IGSF10: variants seen among roughly 807,000 people sequenced by gnomAD.
The protein encoded by IGSF10 is immunoglobulin superfamily member 10.
A neutral mutation model predicts 128.2 loss-of-function variants in IGSF10; 126 were observed. That is an observed-to-expected ratio of 0.98 (90% CI 0.85 to 1.14). IGSF10 has a LOEUF of 1.14. Ranked by LOEUF, IGSF10 falls within the 50% of genes most tolerant of loss-of-function variation. The probability of loss-of-function intolerance (pLI) is 0.00; values close to 1 mark genes in which losing one functional copy is unlikely to be tolerated. For synonymous variants in IGSF10, 1,185 were observed against 1,146.2 expected (o/e 1.03, Z -0.68); for missense variants, 3,295 against 3,149.8 (o/e 1.05, Z -1.10).
chr3:151,476,605 C>A, the IGSF10 span, among the ~76,000 whole-genome samples: 50 of 152,270 alleles, frequency 3.3e-4, 1 homozygote, highest in African/African-American at 1.2e-3. Context: ...AGTGGCCTTG[C>A]GCCTTGGGAC....
At chr3:151,514,789 C>A in the IGSF10 span, among the ~76,000 whole-genome samples, 1 of 151,928 alleles carries the variant, frequency 6.6e-6, no homozygotes, top group Non-Finnish European at 1.5e-5. Context: ...CAAACAACCC[C>A]ATCAAAAAGT....
the IGSF10 span, among the ~76,000 whole-genome samples, chr3:151,572,253 T>G: frequency 6.6e-6 from 1 of 152,168 alleles, no homozygotes; most frequent in African/African-American, 2.4e-5. Flanking sequence ...TTAGGGAGGA[T>G]TCTCTCTTTT....
the IGSF10 span, among the ~76,000 whole-genome samples, chr3:151,489,125 C>T: frequency 6.6e-6 from 1 of 152,012 alleles, no homozygotes; most frequent in Admixed American, 6.6e-5. Context: ...AACAAATTTA[C>T]AGGAAAGAAA....
At chr3:151,498,338 C>G in the IGSF10 span, among the ~76,000 whole-genome samples, 2 of 152,088 alleles carry the variant, frequency 1.3e-5, no homozygotes, top group African/African-American at 4.8e-5. Context: ...TTTTGAGATA[C>G]ATTCCATCAA....
At chr3:151,547,312 A>G in the IGSF10 span, among the ~76,000 whole-genome samples, 1 of 152,076 alleles carries the variant, frequency 6.6e-6, no homozygotes, top group Admixed American at 6.6e-5. Flanking sequence ...TTCACAGCTG[A>G]GCAATGCCAT....
chr3:151,464,552 T>C (rs1040038941), upstream of IGSF10, among the ~76,000 whole-genome samples: 14 of 152,196 alleles, frequency 9.2e-5, no homozygotes, highest in African/African-American at 3.4e-4. Context: ...TTACAAGTCA[T>C]AGATCACCTG....
chr3:151,487,444 C>G, the IGSF10 span, among the ~76,000 whole-genome samples: 5 of 152,066 alleles, frequency 3.3e-5, no homozygotes, highest in Non-Finnish European at 7.4e-5. Flanking sequence ...CTATTCCAAA[C>G]AATACAAAAA....
chr3:151,477,761 A>T, the IGSF10 span, among the ~76,000 whole-genome samples: 1 of 152,212 alleles, frequency 6.6e-6, no homozygotes, highest in Non-Finnish European at 1.5e-5. Context: ...ATGTTAGAGA[A>T]GGGGTTGGCA....
chr3:151,438,211 T>A lies in IGSF10; in HGVS notation c.6350A>T (p.Tyr2117Phe), dbSNP rs1164159568. 1.2e-6 allele frequency: 2 copies of A among 1,614,182 alleles called. No individual in the cohort carries two copies. Among genetic ancestry groups the A allele is most frequent in the Non-Finnish European group, 1.7e-6 (2 of 1,180,030 alleles). ...TAGGGTGTTCTGGGCATAGCAAGTA[T>A]AATCTCCTTCCTCCGCTACCCCAAC... ...NKVGVAEEGD[Y>F]TCYAQNTLGK... Residue 2117 changes from tyrosine to phenylalanine, a missense_variant, in exon 8 of 8, where the codon TAT becomes TTT. By Grantham distance (22) the Tyr-to-Phe change is conservative. Coordinates refer to ENST00000282466, the MANE Select transcript of IGSF10 (RefSeq NM_178822.5).
Position 151,438,114 on chromosome 3 carries a change from G to C in IGSF10, c.6447C>G (p.Thr2149=). 6.2e-7 allele frequency: 1 copy of C among 1,614,144 alleles called. No homozygotes were observed. Among genetic ancestry groups the C allele is most frequent in the Non-Finnish European group, 8.5e-7 (1 of 1,180,016 alleles). The change falls in exon 8 of 8, where the codon ACC becomes ACG. Residue 2149 remains threonine, a synonymous_variant. Coordinates refer to ENST00000282466, the MANE Select transcript of IGSF10 (RefSeq NM_178822.5). ...AAPRIRQSNK[T]NKRIKAGDTA... ...TGTCTCCAGCTTTGATTCTCTTGTT[G>C]GTTTTGTTACTCTGCCTTATCCGGG...
the IGSF10 span, among the ~76,000 whole-genome samples, chr3:151,474,960 T>C: frequency 2.0e-5 from 3 of 152,248 alleles, no homozygotes; most frequent in African/African-American, 7.2e-5. Flanking sequence ...TCCCACAATA[T>C]GTGGGATTTC....
chr3:151,441,824 G>T (rs1279170859), intron 7 of IGSF10, among the ~76,000 whole-genome samples: 2 of 152,202 alleles, frequency 1.3e-5, no homozygotes, highest in Non-Finnish European at 2.9e-5. Context: ...CACTTTGGGA[G>T]GCTAAGGCGG....
At chr3:151,441,660 C>A (rs59520150) in intron 7 of IGSF10, among the ~76,000 whole-genome samples, 3,551 of 151,812 alleles carry the variant, frequency 0.023, 158 homozygotes, top group African/African-American at 0.081. Context: ...ATTTTTTGTC[C>A]TGTAATGGAA....
the IGSF10 span, among the ~76,000 whole-genome samples, chr3:151,585,308 T>C: frequency 6.6e-6 from 1 of 152,214 alleles, no homozygotes; most frequent in East Asian, 1.9e-4. Context: ...CTCTTTCTAA[T>C]GTCACTACTG....
chr3:151,447,073 A>G lies in IGSF10; in HGVS notation c.2908T>C (p.Tyr970His). 6.2e-7 allele frequency: 1 copy of G among 1,614,244 alleles called. No individual in the cohort carries two copies. The highest frequency in any genetic ancestry group is 1.1e-5 in the South Asian group (1 of 91,082). The change falls in exon 6 of 8, where the codon TAT (tyrosine) becomes CAT (histidine). Residue 970 changes from tyrosine to histidine, a missense_variant. Coordinates refer to ENST00000282466, the MANE Select transcript of IGSF10 (RefSeq NM_178822.5). ...CTAAGTATTTGAGTAGTGTGAGAATAGAAGTGATTGTGCCTGGGTTCACTC... is the reference window on the plus strand; with the variant it reads ...CTAAGTATTTGAGTAGTGTGAGAATGGAAGTGATTGTGCCTGGGTTCACTC... Reference protein sequence around the residue: ...EVSEPRHNHFYSHTTQILSTS... With the variant: ...EVSEPRHNHFHSHTTQILSTS...
the IGSF10 span, among the ~76,000 whole-genome samples, chr3:151,618,191 G>A: frequency 3.3e-5 from 5 of 152,246 alleles, no homozygotes; most frequent in African/African-American, 1.2e-4. Context: ...GGAGGATACA[G>A]CAAGATGTTG....
intron 2 of IGSF10, among the ~76,000 whole-genome samples, chr3:151,459,251 T>C (rs1429153695): frequency 6.6e-6 from 1 of 152,238 alleles, no homozygotes; most frequent in African/African-American, 2.4e-5. Context: ...TGTGTGTATA[T>C]GTATAGGTGT....
At chr3:151,539,255 G>T in the IGSF10 span, among the ~76,000 whole-genome samples, 1 of 152,174 alleles carries the variant, frequency 6.6e-6, no homozygotes, top group Non-Finnish European at 1.5e-5. Context: ...CCCACGTGGA[G>T]GCTTGCTCTG....
chr3:151,510,489 G>A, the IGSF10 span, among the ~76,000 whole-genome samples: 2 of 152,114 alleles, frequency 1.3e-5, no homozygotes, highest in Non-Finnish European at 2.9e-5. Context: ...AAGACCAAAG[G>A]CAGATAAAAC....
Sources: gnomAD v4.1 joint callset for allele counts (sites outside exome capture counted in the v4.1 genomes callset) on GRCh38, gnomAD v4.1.1 for gene constraint, MANE v1.5 for transcripts, NCBI Gene and HGNC (gene_info 2026-07-23, HGNC 2026-07-21) for gene names.